Variants in TRPM3 observed in about 807,000 individuals in gnomAD.
TRPM3 encodes the protein long transient receptor potential channel 3.
In TRPM3, 77 loss-of-function variants were observed where a neutral mutation model predicts 181.2. That is an observed-to-expected ratio of 0.42 (90% CI 0.35 to 0.51). The LOEUF (loss-of-function observed/expected upper bound fraction) is 0.51, where lower values mean the gene tolerates loss of function less well. Among genes scored for constraint, TRPM3 ranks in the 20% least tolerant of loss-of-function variants. The pLI, the probability that TRPM3 is intolerant of heterozygous loss-of-function variation, is 0.01. For missense variants in TRPM3, 1,759 were observed against 2,196.7 expected, an observed-to-expected ratio of 0.80 and a Z score of 3.98; for synonymous variants, 745 against 796.4, an observed-to-expected ratio of 0.94 and a Z score of 1.09.
chr9:70,690,856 A>C (rs1362488575), intron 8 of TRPM3, among the ~76,000 whole-genome samples: 1 of 152,190 alleles, frequency 6.6e-6, no homozygotes, highest in Non-Finnish European at 1.5e-5. Context: ...TGGTACAGGG[A>C]AGAGAACAAT....
At chr9:71,173,293 A>G (rs909580917) in intron 1 of TRPM3, among the ~76,000 whole-genome samples, 2 of 152,158 alleles carry the variant, frequency 1.3e-5, no homozygotes, top group African/African-American at 4.8e-5. Flanking sequence ...ATATGATTGT[A>G]ACACCACTAC....
At chr9:71,270,855 C>T (rs955800475) in intron 1 of TRPM3, among the ~76,000 whole-genome samples, 1 of 152,152 alleles carries the variant, frequency 6.6e-6, no homozygotes, top group Admixed American at 6.5e-5. Flanking sequence ...AACCAGTCAA[C>T]ATGTCATGAA....
At chr9:70,986,647 G>A (rs942218895) in intron 1 of TRPM3, among the ~76,000 whole-genome samples, 4 of 152,106 alleles carry the variant, frequency 2.6e-5, no homozygotes, top group African/African-American at 9.7e-5. Flanking sequence ...GAATTAGCCA[G>A]TTTTGGAAAC....
chr9:70,760,539 C>A (rs918194301), intron 8 of TRPM3: 8 of 151,490 alleles, frequency 5.3e-5, no homozygotes, highest in Non-Finnish European at 1.2e-4. Flanking sequence ...AGACTGTGTA[C>A]CTAGGTATTG....
At chr9:70,629,626 C>A (rs769019685) in intron 12 of TRPM3, among the ~76,000 whole-genome samples, 1 of 152,086 alleles carries the variant, frequency 6.6e-6, no homozygotes, top group African/African-American at 2.4e-5. Context: ...CATGAGCCAC[C>A]GCTATAAAAC....
intron 1 of TRPM3, among the ~76,000 whole-genome samples, chr9:71,244,155 T>C (rs568192748): frequency 6.6e-6 from 1 of 152,196 alleles, no homozygotes; most frequent in African/African-American, 2.4e-5. Flanking sequence ...GTCCCAGGAA[T>C]CCAGGGCTTG....
At chr9:71,104,268 A>G (rs1430051887) in intron 1 of TRPM3, among the ~76,000 whole-genome samples, 1 of 152,194 alleles carries the variant, frequency 6.6e-6, no homozygotes, top group Non-Finnish European at 1.5e-5. Flanking sequence ...ACACATTCCT[A>G]GTGGCACAGC....
chr9:70,842,267 C>T (rs1236747623), intron 5 of TRPM3, among the ~76,000 whole-genome samples: 1 of 152,066 alleles, frequency 6.6e-6, no homozygotes. Flanking sequence ...ATGGATCCTA[C>T]CTCCTTTTTT....
intron 1 of TRPM3, among the ~76,000 whole-genome samples, chr9:70,988,858 G>T (rs2097447998): frequency 6.6e-6 from 1 of 152,198 alleles, no homozygotes; most frequent in Non-Finnish European, 1.5e-5. Flanking sequence ...TAGCTGCTGA[G>T]ATCAGTCCCT....
intron 1 of TRPM3, among the ~76,000 whole-genome samples, chr9:71,107,443 A>G (rs899041921): frequency 3.9e-5 from 6 of 152,152 alleles, no homozygotes; most frequent in Non-Finnish European, 5.9e-5. Context: ...CTGCTCACCA[A>G]TGTGAAAACA....
intron 1 of TRPM3, among the ~76,000 whole-genome samples, chr9:71,305,143 C>A (rs1188970574): frequency 6.6e-6 from 1 of 152,176 alleles, no homozygotes; most frequent in Non-Finnish European, 1.5e-5. Context: ...GAGGGCAATG[C>A]TCTTCTCATT....
chr9:70,558,806 G>A (rs1247843325), intron 22 of TRPM3, among the ~76,000 whole-genome samples: 1 of 152,176 alleles, frequency 6.6e-6, no homozygotes, highest in African/African-American at 2.4e-5. Flanking sequence ...TGCAGCAGTG[G>A]CAAATTAGAA....
intron 22 of TRPM3, among the ~76,000 whole-genome samples, chr9:70,573,235 A>G (rs978025923): frequency 6.6e-6 from 1 of 152,252 alleles, no homozygotes; most frequent in Non-Finnish European, 1.5e-5. Context: ...AAATACAATG[A>G]GGAACATTGT....
intron 1 of TRPM3, among the ~76,000 whole-genome samples, chr9:70,966,634 C>T (rs2097188147): frequency 6.6e-6 from 1 of 152,014 alleles, no homozygotes; most frequent in African/African-American, 2.4e-5. Flanking sequence ...AGCAAACTAA[C>T]AAAGGAATAG....
At chr9:71,009,369 A>G (rs2097712580) in intron 1 of TRPM3, among the ~76,000 whole-genome samples, 2 of 152,338 alleles carry the variant, frequency 1.3e-5, no homozygotes, top group Admixed American at 6.5e-5. Flanking sequence ...AAAAACTGGT[A>G]TAACTCATAA....
chr9:71,011,094 T>C (rs2097733936), intron 1 of TRPM3, among the ~76,000 whole-genome samples: 1 of 152,128 alleles, frequency 6.6e-6, no homozygotes, highest in Non-Finnish European at 1.5e-5. Flanking sequence ...CACTCATATG[T>C]GGAATCTAAA....
At chr9:70,957,953 C>T (rs2097095862) in intron 1 of TRPM3, among the ~76,000 whole-genome samples, 1 of 152,180 alleles carries the variant, frequency 6.6e-6, no homozygotes, top group Admixed American at 6.5e-5. Flanking sequence ...CTTCCCTGGA[C>T]ATACGCTCTG....
intron 1 of TRPM3, among the ~76,000 whole-genome samples, chr9:71,152,811 G>A (rs1033831025): frequency 2.0e-5 from 3 of 152,114 alleles, no homozygotes; most frequent in Admixed American, 2.0e-4. Flanking sequence ...AGCAACTTGT[G>A]GATGACTGTG....
intron 1 of TRPM3, among the ~76,000 whole-genome samples, chr9:71,422,692 C>A (rs1212972277): frequency 6.6e-6 from 1 of 151,976 alleles, no homozygotes; most frequent in East Asian, 1.9e-4. Flanking sequence ...CCAAAGGAGA[C>A]ACATTTGACT....
Sources: allele counts gnomAD v4.1 joint callset (sites outside exome capture counted in the v4.1 genomes callset), GRCh38; gene constraint gnomAD v4.1.1; transcripts MANE v1.5; gene names NCBI Gene and HGNC (gene_info 2026-07-23, HGNC 2026-07-21).